The following USP10 variants were observed in gnomAD, a reference collection of about 807,000 sequenced individuals.
USP10 encodes ubiquitin carboxyl-terminal hydrolase 10.
Under a neutral mutation model 84.5 loss-of-function variants are expected in USP10, and 22 were observed. The observed-to-expected ratio is 0.26, with a 90% CI of 0.19 to 0.37. The LOEUF is 0.37. Among genes scored for constraint, USP10 ranks in the 10% least tolerant of loss-of-function variants. USP10 has a pLI of 1.00. For missense variants in USP10, 1,019 were observed against 998.9 expected (o/e 1.02, Z -0.27); for synonymous variants, 454 against 387.6 (o/e 1.17, Z -2.01).
intron 1 of USP10, among the ~76,000 whole-genome samples, chr16:84,730,067 C>T (rs1163293461): frequency 6.6e-6 from 1 of 151,998 alleles, no homozygotes; most frequent in Non-Finnish European, 1.5e-5. Flanking sequence ...AGTATGTAGT[C>T]CCCTCCCAAG....
At chr16:84,711,116 G>C (rs751920301) in intron 1 of USP10, among the ~76,000 whole-genome samples, 3 of 152,146 alleles carry the variant, frequency 2.0e-5, no homozygotes, top group Non-Finnish European at 4.4e-5. Context: ...CTGTCATGTC[G>C]TGTCTTCAGA....
chr16:84,762,103 GT>G (rs1913276564), intron 8 of USP10, among the ~76,000 whole-genome samples: 1 of 152,246 alleles, frequency 6.6e-6, no homozygotes, highest in South Asian at 2.1e-4. Context: ...TCAAACACTC[GT>G]GATGTGGGAT....
chr16:84,770,870 A>T (rs1914374700), intron 11 of USP10, among the ~76,000 whole-genome samples: 1 of 151,962 alleles, frequency 6.6e-6, no homozygotes, highest in South Asian at 2.1e-4. Flanking sequence ...GATCGAGACC[A>T]TCCTGGCCAA....
chr16:84,757,396 G>GGGGT (rs1555546425), intron 4 of USP10, among the ~76,000 whole-genome samples: 45 of 127,362 alleles, frequency 3.5e-4, no homozygotes, highest in Non-Finnish European at 4.7e-4. Context: ...GAATGAGAGG[G>GGGGT]GTGGGGGTGT....
chr16:84,763,315 C>T (rs992199175), intron 9 of USP10, among the ~76,000 whole-genome samples: 23 of 152,150 alleles, frequency 1.5e-4, no homozygotes, highest in African/African-American at 4.8e-4. Context: ...AATGATCAAG[C>T]CTATAAAAAA....
At chr16:84,712,012 G>T (rs1022052997) in intron 1 of USP10, among the ~76,000 whole-genome samples, 1 of 152,212 alleles carries the variant, frequency 6.6e-6, no homozygotes, top group East Asian at 1.9e-4. Flanking sequence ...GAGCCACCGC[G>T]CCCGGTGGCT....
intron 1 of USP10, among the ~76,000 whole-genome samples, chr16:84,724,104 T>G (rs1908152770): frequency 6.6e-6 from 1 of 152,224 alleles, no homozygotes; most frequent in African/African-American, 2.4e-5. Context: ...CAATAGCAAT[T>G]TTACACAGGA....
intron 8 of USP10, 28 bp downstream of exon 8, chr16:84,760,303 A>G (rs1273478727): frequency 1.9e-6 from 3 of 1,559,454 alleles, no homozygotes; most frequent in Admixed American, 3.7e-5. Context: ...TGTCACTAGT[A>G]TCAAGTGTTG....
At chr16:84,741,659 C>T (rs767553813) in intron 3 of USP10, among the ~76,000 whole-genome samples, 2 of 152,186 alleles carry the variant, frequency 1.3e-5, no homozygotes, top group South Asian at 2.1e-4. Flanking sequence ...ACTCTGTTCC[C>T]TCTAAGTCCT....
intron 4 of USP10, among the ~76,000 whole-genome samples, chr16:84,751,617 C>G (rs1004802116): frequency 1.3e-5 from 2 of 152,144 alleles, no homozygotes; most frequent in African/African-American, 4.8e-5. Context: ...GGTAGTGGTA[C>G]ATTTTGGTCA....
chr16:84,703,947 G>C (rs1905186774), intron 1 of USP10, among the ~76,000 whole-genome samples: 1 of 152,228 alleles, frequency 6.6e-6, no homozygotes, highest in Admixed American at 6.5e-5. Flanking sequence ...ATGTATTCCA[G>C]TGTTCTGTTA....
intron 12 of USP10, among the ~76,000 whole-genome samples, chr16:84,774,479 TTTTG>T (rs1227115195): frequency 6.6e-6 from 1 of 151,850 alleles, no homozygotes; most frequent in Non-Finnish European, 1.5e-5. Flanking sequence ...TTTGTTTTTT[TTTTG>T]TTTGTTTGTT....
At chr16:84,747,872 G>A (rs1449304858) in intron 4 of USP10, among the ~76,000 whole-genome samples, 4 of 151,912 alleles carry the variant, frequency 2.6e-5, no homozygotes, top group Admixed American at 1.3e-4. Context: ...CAGGCCAGGC[G>A]ATTTCTTGAA....
intron 1 of USP10, among the ~76,000 whole-genome samples, chr16:84,703,588 A>G (rs1905147130): frequency 6.6e-6 from 1 of 152,258 alleles, no homozygotes; most frequent in South Asian, 2.1e-4. Context: ...ATCTCAAGTA[A>G]TGAGCAGCTG....
At chr16:84,725,194 G>A (rs1010663439) in intron 1 of USP10, among the ~76,000 whole-genome samples, 2 of 151,996 alleles carry the variant, frequency 1.3e-5, no homozygotes, top group African/African-American at 2.4e-5. Context: ...ACCGCCTCCC[G>A]CTCCCCCATT....
At chr16:84,760,416 A>G (rs1962847635) in intron 8 of USP10, 141 bp downstream of exon 8, 2 of 696,536 alleles carry the variant, frequency 2.9e-6, no homozygotes, top group Admixed American at 2.9e-5. Flanking sequence ...CATTGCTTGG[A>G]TGATATGGTG....
In USP10 at chr16:84,708,389, T is replaced by A. The variant is rs1485180926; in HGVS notation, c.21+8278T>A. On this transcript the variant is annotated intron_variant, in intron 1 of 13. Coordinates refer to ENST00000219473, the MANE Select transcript of USP10 (RefSeq NM_005153.3). The stretch of plus-strand genomic sequence containing the variant: ...AGCTTGAACCCGTGGGGGCAGAGGT[T>A]GCTGTGAGACAAGATCACGCCACTT... Among the ~76,000 whole-genome samples the A allele has an allele frequency of 3.3e-5, 5 of 152,112 alleles. No homozygotes were observed. The East Asian group carries it at 9.6e-4, about 29-fold the overall frequency.
intron 1 of USP10, among the ~76,000 whole-genome samples, chr16:84,713,053 G>C (rs1906517744): frequency 6.6e-6 from 1 of 152,214 alleles, no homozygotes; most frequent in South Asian, 2.1e-4. Flanking sequence ...CCATGGAGCA[G>C]CCAGCCTTTC....
At position 84,744,935 on chromosome 16, in the gene USP10, A is replaced by T; in HGVS notation, c.454A>T (p.Lys152Ter). Residue 152 changes from lysine to a stop codon, truncating the protein, a stop_gained, in exon 4 of 14, where the codon AAG becomes TAG. Transcript: ENST00000219473. LOFTEE classifies it high-confidence loss of function. ...GGLGQRERKK[K>*]KKRPPGYYSY... is the part of the protein sequence containing the mutation. ...TCTTGGACAAAGGGAGCGTAAAAAG[A>T]AGAAAAAGCGGCCACCTGGATATTA... 1 of 1,613,806 alleles carries T rather than the reference A, an allele frequency of 6.2e-7. No individual in the cohort carries two copies. Among genetic ancestry groups the T allele is most frequent in the Non-Finnish European group, 8.5e-7 (1 of 1,179,730 alleles).
Sources: gnomAD v4.1 joint callset for allele counts (sites outside exome capture counted in the v4.1 genomes callset) on GRCh38, gnomAD v4.1.1 for gene constraint, MANE v1.5 for transcripts, NCBI Gene and HGNC (gene_info 2026-07-23, HGNC 2026-07-21) for gene names.